UQCRB: variants seen among roughly 807,000 people sequenced by gnomAD.
The protein encoded by UQCRB is ubiquinol-cytochrome c reductase binding protein.
In UQCRB, 12 loss-of-function variants were observed where a neutral mutation model predicts 19.8. The observed-to-expected ratio is 0.61, with a 90% CI of 0.39 to 0.98. UQCRB has a LOEUF of 0.98. UQCRB is among the 50% of genes least tolerant of loss of function. The pLI, the probability that UQCRB is intolerant of heterozygous loss-of-function variation, is 0.00. For synonymous variants in UQCRB, 39 were observed against 42.9 expected (o/e 0.91, Z 0.35); for missense variants, 142 against 131.8 (o/e 1.08, Z -0.38).
In UQCRB at chr8:96,229,659, T is replaced by C. The variant is rs767048074; in HGVS notation, c.*1396A>G. ...GGACTACATTAAAACCTTGTCACAA[T>C]GTGACCTGAGCAAAACCATTATCAA... On this transcript the variant is annotated 3_prime_UTR_variant, in exon 4 of 4. Transcript: ENST00000287022. 3 of 453,962 alleles carry C rather than the reference T, an allele frequency of 6.6e-6. No individual in the cohort carries two copies. Among genetic ancestry groups the C allele is most frequent in the South Asian group, 3.1e-5 (2 of 64,470 alleles). 28.1% of individuals were successfully genotyped at this position (453,962 alleles called of 1,614,324 possible).
rs1224766961 is a variant in UQCRB at position 96,228,685 on chromosome 8, TATC to T, written c.*2367_*2369del. ...TTCACAACTGGGTGAAGTAGGTTTC[TATC>T]ATTAGCTCTATCTTAGGGACAAACA... On this transcript the variant is annotated 3_prime_UTR_variant, in exon 4 of 4. Transcript: ENST00000287022. The T allele has an allele frequency of 4.4e-6, 2 of 454,054 alleles. No individual in the cohort carries two copies. Among genetic ancestry groups the T allele is most frequent in the African/African-American group, 4.0e-5 (2 of 50,032 alleles). 28.1% of individuals were successfully genotyped at this position (454,054 alleles called of 1,614,324 possible).
rs1486323611 is a variant in UQCRB, at chr8:96,228,366, A to G, written c.*2689T>C. On this transcript the variant is annotated 3_prime_UTR_variant, in exon 4 of 4. Transcript: ENST00000287022. Reference sequence around the variant, plus strand: ...AAAACACAAAACAGGGAGATAGCCAAGTCTTAGCTCCATCCTAATCAAAGC... The same window carrying G: ...AAAACACAAAACAGGGAGATAGCCAGGTCTTAGCTCCATCCTAATCAAAGC... 1 of 454,130 alleles carries G rather than the reference A, an allele frequency of 2.2e-6. No individual in the cohort carries two copies. Among genetic ancestry groups the G allele is most frequent in the Admixed American group, 2.3e-5 (1 of 42,582 alleles). 28.1% of individuals were successfully genotyped at this position (454,130 alleles called of 1,614,324 possible). A position where few individuals can be genotyped will look rare whatever the true frequency, so the allele number is the denominator to read the frequency against.
chr8:96,234,133 C>T (rs1809742849), intron 1 of UQCRB: 2 of 156,506 alleles, frequency 1.3e-5, no homozygotes, highest in Admixed American at 6.4e-5. Context: ...GCAAACTCTC[C>T]TTTCACTCAA....
At position 96,228,907 on chromosome 8, in the gene UQCRB, A is replaced by G. The variant is rs1809589835; in HGVS notation, c.*2148T>C. The stretch of plus-strand genomic sequence containing the variant: ...AATGCAGAGTGCCTGTGTTTCAGGC[A>G]CTCTCATGGTGATTTTCCACACAGG... On this transcript the variant is annotated 3_prime_UTR_variant, in exon 4 of 4. Coordinates refer to ENST00000287022, the MANE Select transcript of UQCRB (RefSeq NM_006294.5). The G allele has an allele frequency of 2.2e-6, 1 of 453,894 alleles. No homozygotes were observed. The highest frequency in any genetic ancestry group is 2.0e-5 in the African/African-American group (1 of 49,988). 28.1% of individuals were successfully genotyped at this position (453,894 alleles called of 1,614,324 possible).
rs1809510808 is a variant in UQCRB at position 96,225,461 on chromosome 8, A to G, written c.*5594T>C. ...TGCCCCAACATTTTCACTTCCCAGA[A>G]TCTATCCAAACACTCTGCTGCTCAC... On this transcript the variant is annotated 3_prime_UTR_variant, in exon 4 of 4. Transcript: ENST00000287022. 6.6e-6 allele frequency among the ~76,000 whole-genome samples: 1 copy of G among 152,164 alleles called. No individual in the cohort carries two copies. The highest frequency in any genetic ancestry group is 1.5e-5 in the Non-Finnish European group (1 of 68,032).
chr8:96,228,268 A>G lies in UQCRB; in HGVS notation c.*2787T>C, dbSNP rs1421752155. The G allele has an allele frequency of 4.4e-6, 2 of 454,158 alleles. No homozygotes were observed. Among genetic ancestry groups the G allele is most frequent in the Admixed American group, 4.7e-5 (2 of 42,580 alleles). The allele number at this position is 454,158 out of a possible 1,614,324, so 28.1% of individuals were successfully genotyped here. ...TCTCAAACTTTAAACAACAAAAGAT[A>G]TCAAACATTTTAAACTGTACAAAGC... is the stretch of plus-strand genomic sequence containing the variant. On this transcript the variant is annotated 3_prime_UTR_variant, in exon 4 of 4. Coordinates refer to ENST00000287022, the MANE Select transcript of UQCRB (RefSeq NM_006294.5).
chr8:96,226,970 T>A lies in UQCRB; in HGVS notation c.*4085A>T, dbSNP rs758441946. 20 of 454,102 alleles carry A rather than the reference T, an allele frequency of 4.4e-5. No homozygotes were observed. Among genetic ancestry groups the A allele is most frequent in the South Asian group, 3.1e-4 (20 of 64,454 alleles). 28.1% of individuals were successfully genotyped at this position (454,102 alleles called of 1,614,324 possible). On this transcript the variant is annotated 3_prime_UTR_variant, in exon 4 of 4. Coordinates refer to ENST00000287022, the MANE Select transcript of UQCRB (RefSeq NM_006294.5). ...TTAGCAAAATATAACTTAGAGGCAC[T>A]ATCCGACCTGAGATCTCAGATTCTA...
Position 96,223,381 on chromosome 8 carries a change from G to A in UQCRB, c.*7674C>T, listed in dbSNP as rs1586147157. 1.3e-5 allele frequency among the ~76,000 whole-genome samples: 2 copies of A among 152,256 alleles called. No individual in the cohort carries two copies. The highest frequency in any genetic ancestry group is 1.9e-4 in the East Asian group (1 of 5,184). On this transcript the variant is annotated 3_prime_UTR_variant, in exon 4 of 4. Transcript: ENST00000287022. ...ACTTGCAAAGTGTGATCTTGTACCC[G>A]TTACCTAACATGTCTGAGCCTCTAT...
At chr8:96,231,709 T>A in intron 3 of UQCRB, 65 bp downstream of exon 3, 1 of 1,599,848 alleles carries the variant, frequency 6.3e-7, no homozygotes, top group Non-Finnish European at 8.6e-7. Context: ...AATGAACATG[T>A]TTCTCTTGTT....
In UQCRB at chr8:96,233,142, G is replaced by A. The variant is rs944339523; in HGVS notation, c.91+14C>T. Reference sequence around the variant, plus strand: ...CAACAACAACAAAAAACATTAAACAGCACAGCTGCTTACCCAGTTTATTGA... The same window carrying A: ...CAACAACAACAAAAAACATTAAACAACACAGCTGCTTACCCAGTTTATTGA... On this transcript the variant is annotated intron_variant, in intron 2 of 3. Coordinates refer to ENST00000287022, the MANE Select transcript of UQCRB (RefSeq NM_006294.5). The A allele has an allele frequency of 1.9e-6, 3 of 1,609,050 alleles. No individual in the cohort carries two copies. Among genetic ancestry groups the A allele is most frequent in the African/African-American group, 1.3e-5 (1 of 74,634 alleles).
At position 96,229,702 on chromosome 8, in the gene UQCRB, A is replaced by G. The variant is rs564597125; in HGVS notation, c.*1353T>C. The G allele has an allele frequency of 2.1e-4, 96 of 453,868 alleles. No homozygotes were observed. In the Admixed American group the frequency reaches 2.2e-3, roughly 10 times the overall value. 28.1% of individuals were successfully genotyped at this position (453,868 alleles called of 1,614,324 possible). On this transcript the variant is annotated 3_prime_UTR_variant, in exon 4 of 4. Transcript: ENST00000287022. The stretch of plus-strand genomic sequence containing the variant: ...ATTATCAAGTGATCTAGTTGTCTTC[A>G]ACCATACAAAAGAAAATTGACATGA...
At chr8:96,234,992 T>C in intron 1 of UQCRB, 1 of 227,898 alleles carries the variant, frequency 4.4e-6, no homozygotes, top group Non-Finnish European at 8.9e-6. Context: ...ATTCGCAGTT[T>C]GAGAAGCGCG....
chr8:96,231,989 GT>G (rs142060471), intron 2 of UQCRB, 49 bp from the exon 3 acceptor site: 7 of 1,597,456 alleles, frequency 4.4e-6, no homozygotes, highest in Admixed American at 3.3e-5. Context: ...AAAAATCGCG[GT>G]TTTTTTAAAT....
At chr8:96,234,588 G>T (rs1809756933) in intron 1 of UQCRB, 1 of 1,060,182 alleles carries the variant, frequency 9.4e-7, no homozygotes, top group Non-Finnish European at 1.3e-6. Context: ...CCCCCAAAAA[G>T]CTCAATGTCA....
In UQCRB at chr8:96,231,976, C is replaced by T. The variant is rs367861933; in HGVS notation, c.92-36G>A. ...TGACAAAGTTAGATTGCACATGCAT[C>T]TCAAAAATCGCGGTTTTTTTAAATT... On this transcript the variant is annotated intron_variant, in intron 2 of 3. Coordinates refer to ENST00000287022, the MANE Select transcript of UQCRB (RefSeq NM_006294.5). 1.1e-5 allele frequency: 18 copies of T among 1,608,236 alleles called. No homozygotes were observed. In the African/African-American group the frequency reaches 1.9e-4, roughly 17 times the overall value.
intron 1 of UQCRB, chr8:96,234,391 GTC>G (rs1809750524): frequency 4.6e-6 from 3 of 656,070 alleles, no homozygotes; most frequent in Admixed American, 2.6e-5. Flanking sequence ...TTATTTACAT[GTC>G]TGTTACTACA....
At chr8:96,233,102 AAAAC>A (rs952924976) in intron 2 of UQCRB, 50 bp downstream of exon 2, 63 of 1,573,914 alleles carry the variant, frequency 4.0e-5, no homozygotes, top group East Asian at 6.7e-5. Context: ...AACAAAAAAA[AAAAC>A]AAAGAAACAA....
Position 96,227,345 on chromosome 8 carries a change from G to A in UQCRB, c.*3710C>T, listed in dbSNP as rs148360306. ...AAGGAGGGGAGGGAGTTGGTGGGGCGCAGAATGGAGAAATCTTCCATAGTG... is the reference window on the plus strand; with the variant it reads ...AAGGAGGGGAGGGAGTTGGTGGGGCACAGAATGGAGAAATCTTCCATAGTG... On this transcript the variant is annotated 3_prime_UTR_variant, in exon 4 of 4. Transcript: ENST00000287022. 1.7e-3 allele frequency: 786 copies of A among 454,092 alleles called. 5 individuals are homozygous for A. Among genetic ancestry groups the A allele is most frequent in the African/African-American group, 0.014 (699 of 50,100 alleles). The allele number at this position is 454,092 out of a possible 1,614,324, so 28.1% of individuals were successfully genotyped here. A position where few individuals can be genotyped will look rare whatever the true frequency, so the allele number is the denominator to read the frequency against.
chr8:96,234,212 A>G, intron 1 of UQCRB: 1 of 203,564 alleles, frequency 4.9e-6, no homozygotes, highest in Non-Finnish European at 1.0e-5. Context: ...GGAAATTAAG[A>G]GTCATGTATA....
Sources: gnomAD v4.1 joint callset for allele counts (sites outside exome capture counted in the v4.1 genomes callset) on GRCh38, gnomAD v4.1.1 for gene constraint, MANE v1.5 for transcripts, NCBI Gene and HGNC (gene_info 2026-07-23, HGNC 2026-07-21) for gene names.